Variants in NFILZ observed in about 807,000 individuals in gnomAD.
NFILZ encodes NFIL3 like protein.
chr19:8,640,193 G>T (rs151220056), intron 3 of NFILZ, among the ~76,000 whole-genome samples: 154 of 152,138 alleles, frequency 1.0e-3, no homozygotes, highest in African/African-American at 3.4e-3. Flanking sequence ...CGGGTGAACC[G>T]GTCCTGTGTT....
chr19:8,648,056 C>T (rs2042949845), intron 3 of NFILZ, among the ~76,000 whole-genome samples: 1 of 151,224 alleles, frequency 6.6e-6, no homozygotes, highest in East Asian at 2.0e-4. Flanking sequence ...TGCCTGTAGT[C>T]CCAGCTACTT....
chr19:8,630,948 T>C (rs1299195624), intron 1 of NFILZ, among the ~76,000 whole-genome samples: 2 of 152,180 alleles, frequency 1.3e-5, no homozygotes, highest in Admixed American at 1.3e-4. Context: ...GGGCCTTGGA[T>C]GCCCGGGTCG....
rs558288331 is a variant in NFILZ, at chr19:8,670,652, T to C, written c.-163-3899T>C. Among the ~76,000 whole-genome samples the C allele has an allele frequency of 1.5e-4, 23 of 152,304 alleles. No individual in the cohort carries two copies. In the East Asian group the frequency reaches 4.4e-3, roughly 29 times the overall value. ...AGGAGTTCTTGCTGGGTTGGGTGAC[T>C]ATAGAATCCTGCAAGGCTTTTACTG... On this transcript the variant is annotated intron_variant, in intron 3 of 5. Transcript: ENST00000691075.
intron 3 of NFILZ, among the ~76,000 whole-genome samples, chr19:8,673,570 G>A (rs1448470073): frequency 6.6e-6 from 1 of 152,188 alleles, no homozygotes; most frequent in Non-Finnish European, 1.5e-5. Flanking sequence ...CTGGACTTGG[G>A]TTCTGGAGTC....
intron 4 of NFILZ, among the ~76,000 whole-genome samples, 29 bp from the exon 5 acceptor site, chr19:8,676,330 C>T (rs2043110025): frequency 6.6e-6 from 1 of 152,182 alleles, no homozygotes; most frequent in African/African-American, 2.4e-5. Context: ...CTCTGTTTAC[C>T]TCCATGGATA....
At chr19:8,648,037 G>A (rs2042949653) in intron 3 of NFILZ, among the ~76,000 whole-genome samples, 1 of 151,826 alleles carries the variant, frequency 6.6e-6, no homozygotes, top group Non-Finnish European at 1.5e-5. Flanking sequence ...AGCCGGGCAT[G>A]GTAGCGGGTG....
chr19:8,632,808 C>G (rs1181321806), intron 2 of NFILZ, among the ~76,000 whole-genome samples, 183 bp downstream of exon 2: 1 of 151,082 alleles, frequency 6.6e-6, no homozygotes, highest in Non-Finnish European at 1.5e-5. Flanking sequence ...CTGCAACCTC[C>G]GCCTCCCAGG....
intron 3 of NFILZ, among the ~76,000 whole-genome samples, chr19:8,653,011 C>CCTTTCCTT (rs2042974083): frequency 4.2e-4 from 22 of 52,882 alleles, no homozygotes; most frequent in African/African-American, 1.7e-3. Context: ...TTCCTTCCTT[C>CCTTTCCTT]CTTTCTTTCT....
chr19:8,647,393 G>T (rs1555747161), intron 3 of NFILZ, among the ~76,000 whole-genome samples: 2 of 152,124 alleles, frequency 1.3e-5, no homozygotes, highest in Admixed American at 1.3e-4. Flanking sequence ...CCAACATGGT[G>T]AAACCTTGTC....
rs545975767 is a variant in NFILZ at position 8,679,411 on chromosome 19, C to A, written c.*1776C>A. ...CTGGACTGGTACTGACACTGAGAAC[C>A]AGATGCCCCTGGCCAACTGGATCAC... On this transcript the variant is annotated 3_prime_UTR_variant, in exon 6 of 6. Transcript: ENST00000691075. Among the ~76,000 whole-genome samples the A allele has an allele frequency of 6.6e-5, 10 of 152,164 alleles. No homozygotes were observed. The South Asian group carries it at 2.1e-3, about 32-fold the overall frequency.
chr19:8,680,836 C>CA lies in NFILZ; in HGVS notation c.*3202dup, dbSNP rs1158897908. 3.8e-4 allele frequency among the ~76,000 whole-genome samples: 58 copies of CA among 152,168 alleles called. No homozygotes were observed. The highest frequency in any genetic ancestry group is 2.5e-3 in the South Asian group (12 of 4,818). ...AGTCATGCATGTATCAGAGGAAGAA[C>CA]ATTTCCTAGTCAGAAAGAACAGCCT... On this transcript the variant is annotated 3_prime_UTR_variant, in exon 6 of 6. Transcript: ENST00000691075.
chr19:8,660,779 AG>A (rs1568422662), intron 3 of NFILZ, among the ~76,000 whole-genome samples: 1 of 151,688 alleles, frequency 6.6e-6, no homozygotes, highest in Admixed American at 6.6e-5. Flanking sequence ...CTGGGATTAC[AG>A]GTGCCCACCA....
chr19:8,676,090 G>GGTGA (rs2043108942), intron 4 of NFILZ, among the ~76,000 whole-genome samples: 2 of 152,238 alleles, frequency 1.3e-5, no homozygotes, highest in South Asian at 4.2e-4. Context: ...GTGAATGGAT[G>GGTGA]GTGAGTGAGT....
chr19:8,678,127 C>CCATCCATCCT lies in NFILZ; in HGVS notation c.*492_*493insCATCCATCCT, dbSNP rs1568426387. ...CATCCATCCATCCATCCATCCATCC[C>CCATCCATCCT]TCCATCCATTCATCCACTTGTCCGT... On this transcript the variant is annotated 3_prime_UTR_variant, in exon 6 of 6. Coordinates refer to ENST00000691075, the MANE Select transcript of NFILZ (RefSeq NM_001378600.1). 7.3e-5 allele frequency among the ~76,000 whole-genome samples: 1 copy of CCATCCATCCT among 13,680 alleles called. No individual in the cohort carries two copies. The allele number at this position is 13,680 out of a possible 152,430, so 9.0% of individuals were successfully genotyped here.
chr19:8,671,613 T>C (rs1015915202), intron 3 of NFILZ, among the ~76,000 whole-genome samples: 14 of 152,108 alleles, frequency 9.2e-5, no homozygotes, highest in African/African-American at 2.9e-4. Context: ...TGGGGACCCC[T>C]GGGCTGTGTT....
At chr19:8,661,098 T>TCCTTCCCCCTC in intron 3 of NFILZ, among the ~76,000 whole-genome samples, 1 of 44,734 alleles carries the variant, frequency 2.2e-5, no homozygotes, top group Non-Finnish European at 4.9e-5. Context: ...CTCCCTCCCT[T>TCCTTCCCCCTC]CCTCCTTCCT....
At chr19:8,655,874 G>A (rs1444088199) in intron 3 of NFILZ, among the ~76,000 whole-genome samples, 1 of 151,458 alleles carries the variant, frequency 6.6e-6, no homozygotes, top group Non-Finnish European at 1.5e-5. Flanking sequence ...TGTCTCTCTC[G>A]CTGTCTCTGG....
intron 3 of NFILZ, among the ~76,000 whole-genome samples, chr19:8,672,491 AT>A (rs1266082429): frequency 1.3e-5 from 2 of 151,982 alleles, no homozygotes; most frequent in Non-Finnish European, 2.9e-5. Context: ...TTCAAAAAAA[AT>A]CCATGCACTT....
At chr19:8,665,348 A>G (rs2043057116) in intron 3 of NFILZ, among the ~76,000 whole-genome samples, 2 of 152,092 alleles carry the variant, frequency 1.3e-5, no homozygotes, top group Non-Finnish European at 2.9e-5. Flanking sequence ...TGAAGTAAAA[A>G]ATGGTCTACG....
Sources: allele counts gnomAD v4.1 joint callset (sites outside exome capture counted in the v4.1 genomes callset), GRCh38; gene constraint gnomAD v4.1.1; transcripts MANE v1.5; gene names NCBI Gene and HGNC (gene_info 2026-07-23, HGNC 2026-07-21).